The following SCFD2 variants were observed in gnomAD, a reference collection of about 807,000 sequenced individuals.
SCFD2 encodes sec1 family domain-containing protein 2.
In SCFD2, 54 loss-of-function variants were observed where a neutral mutation model predicts 58.9. The observed-to-expected ratio is 0.92, with a 90% CI of 0.74 to 1.15. The LOEUF is 1.15. Among genes scored for constraint, SCFD2 ranks in the 50% most tolerant of loss-of-function variants. The pLI, the probability that SCFD2 is intolerant of heterozygous loss-of-function variation, is 0.00. For synonymous variants in SCFD2, 321 were observed against 335.9 expected, an observed-to-expected ratio of 0.96 and a Z score of 0.49; for missense variants, 805 against 836.6, an observed-to-expected ratio of 0.96 and a Z score of 0.47.
rs35959095 is a variant in SCFD2, at chr4:53,103,768, T to TAAA, written c.1561+41562_1561+41564dup. ...CTTGTAGTTCCAGAAAGTAAGGAAG[T>TAAA]AAAAAAAAAAAAAAAAAAAAAAGGC... On this transcript the variant is annotated intron_variant, in intron 5 of 8. Coordinates refer to ENST00000401642, the MANE Select transcript of SCFD2 (RefSeq NM_152540.4). Among the ~76,000 whole-genome samples, 179 of 33,918 alleles carry TAAA rather than the reference T, an allele frequency of 5.3e-3. 12 individuals carry two copies. Among genetic ancestry groups the TAAA allele is most frequent in the Admixed American group, 6.8e-3 (14 of 2,044 alleles). The allele number at this position is 33,918 out of a possible 152,430, so 22.3% of individuals were successfully genotyped here. A position where few individuals can be genotyped will look rare whatever the true frequency, so the allele number is the denominator to read the frequency against.
chr4:53,303,751 A>C (rs1577951352), intron 3 of SCFD2, among the ~76,000 whole-genome samples: 1 of 151,886 alleles, frequency 6.6e-6, no homozygotes, highest in Non-Finnish European at 1.5e-5. Context: ...GCACATATAC[A>C]CCATGGAATA....
intron 7 of SCFD2, among the ~76,000 whole-genome samples, chr4:52,895,506 C>A (rs150320387): frequency 4.4e-3 from 671 of 152,204 alleles, no homozygotes; most frequent in Non-Finnish European, 4.8e-3. Context: ...TGAACTCATC[C>A]TTTTTTATGG....
At chr4:53,020,445 G>C (rs1722318725) in intron 5 of SCFD2, among the ~76,000 whole-genome samples, 1 of 152,166 alleles carries the variant, frequency 6.6e-6, no homozygotes. Flanking sequence ...AAAGGACAAA[G>C]ATAGGGAAAG....
intron 3 of SCFD2, among the ~76,000 whole-genome samples, chr4:53,292,765 A>G (rs1398505478): frequency 3.3e-5 from 5 of 152,208 alleles, no homozygotes; most frequent in Non-Finnish European, 7.3e-5. Flanking sequence ...TGTTCATTGC[A>G]GCACTATTCA....
intron 4 of SCFD2, among the ~76,000 whole-genome samples, chr4:53,270,341 C>CTGTAT (rs987076669): frequency 3.3e-5 from 5 of 152,080 alleles, no homozygotes; most frequent in Admixed American, 3.3e-4. Context: ...ATACAGCAAA[C>CTGTAT]TAGGATTAGG....
intron 5 of SCFD2, among the ~76,000 whole-genome samples, chr4:53,124,721 T>C (rs1197510628): frequency 6.6e-6 from 1 of 152,186 alleles, no homozygotes; most frequent in Admixed American, 6.5e-5. Flanking sequence ...GCTATAAATC[T>C]AGCCTCCATT....
intron 5 of SCFD2, among the ~76,000 whole-genome samples, chr4:52,997,611 G>A (rs926039228): frequency 2.6e-5 from 4 of 152,244 alleles, no homozygotes; most frequent in Admixed American, 2.6e-4. Context: ...CCTGGGGAAT[G>A]GTAAAGCATC....
chr4:53,065,204 G>A (rs17646076), intron 5 of SCFD2, among the ~76,000 whole-genome samples: 2,956 of 152,052 alleles, frequency 0.019, 67 homozygotes, highest in East Asian at 0.11. Flanking sequence ...AACTAGCAGC[G>A]GTCATAGATC....
At chr4:53,248,765 GAACA>G (rs1224263521) in intron 4 of SCFD2, among the ~76,000 whole-genome samples, 1 of 152,128 alleles carries the variant, frequency 6.6e-6, no homozygotes, top group Non-Finnish European at 1.5e-5. Context: ...GAAGGAAAAC[GAACA>G]AACAGAAAGG....
At chr4:52,910,375 G>A (rs1256502278) in intron 6 of SCFD2, among the ~76,000 whole-genome samples, 2 of 151,914 alleles carry the variant, frequency 1.3e-5, no homozygotes, top group Non-Finnish European at 2.9e-5. Flanking sequence ...GGTAAGTGAT[G>A]ACTTATAGAG....
intron 4 of SCFD2, among the ~76,000 whole-genome samples, chr4:53,269,162 A>G (rs922239707): frequency 1.3e-5 from 2 of 152,122 alleles, no homozygotes; most frequent in African/African-American, 4.8e-5. Flanking sequence ...TCTACAAAAA[A>G]TAAAAAATAA....
chr4:53,009,038 C>T (rs1389075469), intron 5 of SCFD2, among the ~76,000 whole-genome samples: 14 of 152,156 alleles, frequency 9.2e-5, no homozygotes, highest in South Asian at 4.1e-4. Context: ...TAATGGCTTT[C>T]CTTTGGATGG....
rs201410565 is a variant in SCFD2, at chr4:53,145,481, C to T, written c.1413G>A (p.Leu471=). The T allele has an allele frequency of 1.5e-5, 24 of 1,614,118 alleles. No individual in the cohort carries two copies. In the East Asian group the frequency reaches 5.1e-4, roughly 34 times the overall value. The change falls in exon 5 of 9, where the codon CTG becomes CTA. Residue 471 remains leucine (L), a synonymous_variant. Transcript: ENST00000401642. ...RTNEDYSPEE[L]LILLIYIYSV... ...AATAAATATATATGAGAAGGATCAG[C>T]AGTTCCTCAGGGCTGTAGTCCTCGT...
In SCFD2 at chr4:53,089,611, T is replaced by C. The variant is rs548034426; in HGVS notation, c.1561+55722A>G. Among the ~76,000 whole-genome samples, 12 of 152,308 alleles carry C rather than the reference T, an allele frequency of 7.9e-5. No homozygotes were observed. The South Asian group carries it at 2.5e-3, about 32-fold the overall frequency. On this transcript the variant is annotated intron_variant, in intron 5 of 8. Transcript: ENST00000401642. ...CTATAAAGTAGGCAAATTAAATATT[T>C]AATAGTCAAAAGATACCAAATTAAT...
intron 4 of SCFD2, among the ~76,000 whole-genome samples, chr4:53,251,356 A>T (rs1392165408): frequency 5.9e-5 from 9 of 152,304 alleles, no homozygotes; most frequent in African/African-American, 1.7e-4. Flanking sequence ...CAATAGAAAA[A>T]GAGGGAATCC....
At chr4:53,214,117 C>T (rs1441193575) in intron 4 of SCFD2, among the ~76,000 whole-genome samples, 1 of 152,044 alleles carries the variant, frequency 6.6e-6, no homozygotes, top group East Asian at 1.9e-4. Flanking sequence ...AGTAAACATA[C>T]GTGTGCATGT....
intron 5 of SCFD2, among the ~76,000 whole-genome samples, chr4:53,016,743 A>T (rs1722222855): frequency 6.6e-6 from 1 of 152,172 alleles, no homozygotes; most frequent in South Asian, 2.1e-4. Flanking sequence ...GGATTTTTTT[A>T]AAAACTGCTT....
intron 5 of SCFD2, among the ~76,000 whole-genome samples, chr4:53,052,174 C>A (rs1577687792): frequency 6.8e-6 from 1 of 147,204 alleles, no homozygotes; most frequent in Admixed American, 6.6e-5. Context: ...TCACTACCCA[C>A]AACTCAACTC....
chr4:52,936,173 C>T (rs1220227169), intron 5 of SCFD2, among the ~76,000 whole-genome samples: 4 of 152,088 alleles, frequency 2.6e-5, no homozygotes, highest in Non-Finnish European at 5.9e-5. Flanking sequence ...AATGACTGCT[C>T]ATTTTGGCTG....
Sources: gnomAD v4.1 joint callset for allele counts (sites outside exome capture counted in the v4.1 genomes callset) on GRCh38, gnomAD v4.1.1 for gene constraint, MANE v1.5 for transcripts, NCBI Gene and HGNC (gene_info 2026-07-23, HGNC 2026-07-21) for gene names.